Variants in ADAMTSL1 observed in about 807,000 individuals in gnomAD.
The protein encoded by ADAMTSL1 is ADAMTS-like protein 1.
A neutral mutation model predicts 201.8 loss-of-function variants in ADAMTSL1; 126 were observed. The observed-to-expected ratio is 0.62, with a 90% CI of 0.54 to 0.72. The LOEUF is 0.72. Ranked by LOEUF, ADAMTSL1 falls within the 30% of genes least tolerant of loss-of-function variation. ADAMTSL1 has a pLI of 0.00. For missense variants in ADAMTSL1, 2,679 were observed against 2,277.8 expected (o/e 1.18, Z -3.59); for synonymous variants, 1,121 against 903.4 (o/e 1.24, Z -4.32).
rs728362 is a variant in ADAMTSL1 at position 18,867,133 on chromosome 9, G to A, written c.4250-20698G>A. Among the ~76,000 whole-genome samples the A allele has an allele frequency of 2.9e-3, 444 of 152,298 alleles. 2 individuals are homozygous for A. Among genetic ancestry groups the A allele is most frequent in the African/African-American group, 9.7e-3 (405 of 41,552 alleles). On this transcript the variant is annotated intron_variant, in intron 23 of 28. Coordinates refer to ENST00000380548, the MANE Select transcript of ADAMTSL1 (RefSeq NM_001040272.6). ...AGAGGTTCTTTTCCAATAAGAGGAG[G>A]ACAGATATGAAGGGACTAGCAGATT...
chr9:18,380,934 A>G (rs1302129219), intron 2 of ADAMTSL1, among the ~76,000 whole-genome samples: 1 of 152,214 alleles, frequency 6.6e-6, no homozygotes, highest in Non-Finnish European at 1.5e-5. Context: ...AAGGAGCTAC[A>G]GACATCCCGA....
At chr9:18,757,679 A>G (rs1819851910) in intron 16 of ADAMTSL1, among the ~76,000 whole-genome samples, 1 of 151,896 alleles carries the variant, frequency 6.6e-6, no homozygotes. Context: ...ATCCTTCTAC[A>G]CTGAAGCCAC....
chr9:18,906,003 C>A, intron 27 of ADAMTSL1, 112 bp downstream of exon 27: 1 of 922,260 alleles, frequency 1.1e-6, no homozygotes, highest in Non-Finnish European at 1.6e-6. Context: ...CAAGCCCTGC[C>A]TGGGACTCCA....
intron 2 of ADAMTSL1, among the ~76,000 whole-genome samples, chr9:18,316,333 A>G (rs1834392747): frequency 6.6e-6 from 1 of 152,038 alleles, no homozygotes; most frequent in Non-Finnish European, 1.5e-5. Context: ...ATTAGGTGGG[A>G]ATTTCCTCTT....
chr9:18,504,600 A>G (rs1823020483), intron 1 of ADAMTSL1, among the ~76,000 whole-genome samples: 1 of 152,172 alleles, frequency 6.6e-6, no homozygotes, highest in African/African-American at 2.4e-5. Flanking sequence ...TTCCATTTGT[A>G]CAACTTCGTG....
chr9:18,472,555 T>C (rs1052509974), upstream of ADAMTSL1, among the ~76,000 whole-genome samples: 5 of 152,218 alleles, frequency 3.3e-5, no homozygotes, highest in Admixed American at 3.3e-4. Flanking sequence ...TTAATTGATA[T>C]ACCATATGAA....
chr9:18,905,037 C>A (rs1187763185), intron 26 of ADAMTSL1, among the ~76,000 whole-genome samples: 1 of 152,148 alleles, frequency 6.6e-6, no homozygotes, highest in Non-Finnish European at 1.5e-5. Flanking sequence ...CAGTGGAACC[C>A]TAGGGATCCA....
chr9:18,340,773 C>T (rs911902805), intron 2 of ADAMTSL1, among the ~76,000 whole-genome samples: 1 of 152,116 alleles, frequency 6.6e-6, no homozygotes, highest in Non-Finnish European at 1.5e-5. Context: ...TGTGCCTTTG[C>T]TCCACATTTG....
Position 18,721,629 on chromosome 9 carries a change from T to C in ADAMTSL1, c.1970T>C (p.Leu657Pro), listed in dbSNP as rs778734350. 38 of 1,613,788 alleles carry C rather than the reference T, an allele frequency of 2.4e-5. No homozygotes were observed. Among genetic ancestry groups the C allele is most frequent in the South Asian group, 4.4e-5 (4 of 91,080 alleles). Residue 657 changes from leucine to proline, a missense_variant, in exon 15 of 29, where the codon CTC becomes CCC. Coordinates refer to ENST00000380548, the MANE Select transcript of ADAMTSL1 (RefSeq NM_001040272.6). ...GTGACCAGCCGCCGGCCCCCACAGC[T>C]CCTGAAGTCCTGCAATTTGGATCCC... ...LCVTSRRPPQ[L>P]LKSCNLDPCP...
chr9:18,273,005 AG>A (rs1201002249), intron 2 of ADAMTSL1, among the ~76,000 whole-genome samples: 1 of 152,224 alleles, frequency 6.6e-6, no homozygotes, highest in Admixed American at 6.5e-5. Context: ...AAATGTTTTA[AG>A]TAATTGGCAT....
upstream of ADAMTSL1, among the ~76,000 whole-genome samples, chr9:18,471,909 ACTAGCATGTAAGTGGTTC>A (rs1821232000): frequency 6.6e-6 from 1 of 152,216 alleles, no homozygotes; most frequent in African/African-American, 2.4e-5. Context: ...AAGAATCTAA[ACTAGCATGTAAGTGGTTC>A]CCAGTTATTT....
At chr9:18,710,587 G>A (rs1400105597) in intron 14 of ADAMTSL1, among the ~76,000 whole-genome samples, 1 of 151,458 alleles carries the variant, frequency 6.6e-6, no homozygotes, top group Non-Finnish European at 1.5e-5. Flanking sequence ...AAACCTAAGA[G>A]AGGAGATTAT....
intron 8 of ADAMTSL1, among the ~76,000 whole-genome samples, chr9:18,661,569 G>A (rs1029957501): frequency 3.3e-5 from 5 of 152,152 alleles, no homozygotes; most frequent in Non-Finnish European, 2.9e-5. Context: ...TAGCATTCTT[G>A]TATAAGATGG....
At chr9:18,000,808 G>T (rs13295278) in intron 1 of ADAMTSL1, among the ~76,000 whole-genome samples, 1 of 151,848 alleles carries the variant, frequency 6.6e-6, no homozygotes, top group Non-Finnish European at 1.5e-5. Flanking sequence ...GGCCAGAGCG[G>T]CTCAGGTGAA....
At chr9:18,597,727 T>G (rs1824361242) in intron 4 of ADAMTSL1, among the ~76,000 whole-genome samples, 1 of 152,162 alleles carries the variant, frequency 6.6e-6, no homozygotes, top group African/African-American at 2.4e-5. Flanking sequence ...AAGGGATGAT[T>G]TTTTTTAATG....
chr9:17,957,476 A>G (rs1388931063), intron 1 of ADAMTSL1, among the ~76,000 whole-genome samples: 2 of 152,086 alleles, frequency 1.3e-5, no homozygotes, highest in African/African-American at 4.8e-5. Context: ...CTCCACCTTC[A>G]AGCTTTTCCA....
At chr9:18,290,963 A>G (rs893253864) in intron 2 of ADAMTSL1, among the ~76,000 whole-genome samples, 2 of 151,890 alleles carry the variant, frequency 1.3e-5, no homozygotes, top group Non-Finnish European at 2.9e-5. Flanking sequence ...TTGTATATTT[A>G]GTAGAGTCGG....
intron 1 of ADAMTSL1, among the ~76,000 whole-genome samples, chr9:17,927,492 T>C: frequency 6.6e-6 from 1 of 151,876 alleles, no homozygotes; most frequent in South Asian, 2.1e-4. Flanking sequence ...TGTATATTGA[T>C]ATATAAATTA....
intron 2 of ADAMTSL1, among the ~76,000 whole-genome samples, chr9:18,528,247 C>G (rs1819219043): frequency 6.6e-6 from 1 of 151,910 alleles, no homozygotes. Flanking sequence ...AGGTTTGTTA[C>G]AAAGGTAAAC....
Sources: gnomAD v4.1 joint callset for allele counts (sites outside exome capture counted in the v4.1 genomes callset) on GRCh38, gnomAD v4.1.1 for gene constraint, MANE v1.5 for transcripts, NCBI Gene and HGNC (gene_info 2026-07-23, HGNC 2026-07-21) for gene names.